Variants in PTN observed in about 807,000 individuals in gnomAD.
PTN encodes heparin affin regulatory protein.
A neutral mutation model predicts 24.1 loss-of-function variants in PTN; 18 were observed. That is an observed-to-expected ratio of 0.75 (90% CI 0.52 to 1.11). The LOEUF is 1.11. Among genes scored for constraint, PTN ranks in the 50% least tolerant of loss-of-function variants. The pLI is 0.00. For missense variants in PTN, 163 were observed against 198.8 expected (o/e 0.82, Z 1.08); for synonymous variants, 78 against 68.6 (o/e 1.14, Z -0.67).
chr7:137,260,012 C>T (rs1364413118), intron 1 of PTN, among the ~76,000 whole-genome samples: 2 of 152,100 alleles, frequency 1.3e-5, no homozygotes, highest in Non-Finnish European at 2.9e-5. Context: ...AAAATAGCTA[C>T]TACTCATTAC....
At chr7:137,252,680 A>C (rs12535816) in intron 3 of PTN, among the ~76,000 whole-genome samples, 2,172 of 151,984 alleles carry the variant, frequency 0.014, 32 homozygotes, top group Middle Eastern at 0.027. Context: ...GCCACAATGC[A>C]TTTCCATAGA....
At chr7:137,304,116 A>C (rs1158005591) in intron 1 of PTN, among the ~76,000 whole-genome samples, 1 of 152,010 alleles carries the variant, frequency 6.6e-6, no homozygotes, top group Non-Finnish European at 1.5e-5. Context: ...ACCAAACACT[A>C]TCTTAAAAAA....
At chr7:137,239,409 T>TATTTATTC (rs1808583484) in intron 4 of PTN, among the ~76,000 whole-genome samples, 1 of 144,858 alleles carries the variant, frequency 6.9e-6, no homozygotes, top group African/African-American at 2.5e-5. Flanking sequence ...TTTATTTATT[T>TATTTATTC]ATTATTATAC....
intron 1 of PTN, chr7:137,318,608 A>C (rs1585042888): frequency 6.6e-6 from 1 of 152,372 alleles, no homozygotes; most frequent in Non-Finnish European, 1.5e-5. Flanking sequence ...GCTGCGAATT[A>C]ATACGTGAAT....
At chr7:137,314,766 T>C (rs1810042744) in intron 1 of PTN, among the ~76,000 whole-genome samples, 1 of 151,964 alleles carries the variant, frequency 6.6e-6, no homozygotes, top group South Asian at 2.1e-4. Context: ...AGCTAATTTT[T>C]GTATTTTTAG....
chr7:137,317,323 G>A (rs564968124), intron 1 of PTN, among the ~76,000 whole-genome samples: 1 of 152,264 alleles, frequency 6.6e-6, no homozygotes, highest in Non-Finnish European at 1.5e-5. Context: ...TTTTTCCTAT[G>A]TGGTTAGTGA....
intron 1 of PTN, among the ~76,000 whole-genome samples, chr7:137,315,146 C>A (rs1453187931): frequency 6.6e-6 from 1 of 152,026 alleles, no homozygotes; most frequent in African/African-American, 2.4e-5. Context: ...GTTGCCAATG[C>A]AAAATAGGAT....
chr7:137,287,713 T>A (rs796177353), intron 1 of PTN: 8 of 152,282 alleles, frequency 5.3e-5, no homozygotes, highest in African/African-American at 1.9e-4. Flanking sequence ...TCACCTCAGT[T>A]TGAACTCTCT....
At chr7:137,302,851 A>G (rs529027904) in intron 1 of PTN, among the ~76,000 whole-genome samples, 8 of 152,116 alleles carry the variant, frequency 5.3e-5, no homozygotes, top group African/African-American at 1.7e-4. Flanking sequence ...AAATAACTCA[A>G]AAGTCTATCA....
chr7:137,265,675 C>T (rs918269676), intron 1 of PTN, among the ~76,000 whole-genome samples: 4 of 152,174 alleles, frequency 2.6e-5, no homozygotes, highest in Admixed American at 6.5e-5. Context: ...ATGCAGCCCA[C>T]GCCTGGCCGA....
At chr7:137,260,259 A>C (rs1809010296) in intron 1 of PTN, among the ~76,000 whole-genome samples, 1 of 152,270 alleles carries the variant, frequency 6.6e-6, no homozygotes, top group Non-Finnish European at 1.5e-5. Flanking sequence ...ATTCAGTTGC[A>C]TAAACTCTCG....
intron 1 of PTN, among the ~76,000 whole-genome samples, chr7:137,313,202 G>A (rs539194298): frequency 9.2e-5 from 14 of 152,008 alleles, no homozygotes; most frequent in African/African-American, 2.4e-4. Flanking sequence ...ATCGTGTCTC[G>A]GCTTGCTCAA....
At chr7:137,282,354 G>C (rs1809487068) in intron 1 of PTN, among the ~76,000 whole-genome samples, 1 of 152,162 alleles carries the variant, frequency 6.6e-6, no homozygotes, top group African/African-American at 2.4e-5. Flanking sequence ...TATATCCAGA[G>C]AGTTTTTAAT....
At chr7:137,303,005 A>G (rs1809831637) in intron 1 of PTN, among the ~76,000 whole-genome samples, 1 of 151,990 alleles carries the variant, frequency 6.6e-6, no homozygotes, top group South Asian at 2.1e-4. Flanking sequence ...TTGTAATCAT[A>G]TCAATAAGGC....
At chr7:137,278,339 TGA>T (rs1809405329) in intron 1 of PTN, among the ~76,000 whole-genome samples, 1 of 90,122 alleles carries the variant, frequency 1.1e-5, no homozygotes, top group Admixed American at 1.1e-4. Context: ...AAAAAAAAAA[TGA>T]CTACTAATCA....
chr7:137,328,450 C>G (rs912414651), intron 1 of PTN, among the ~76,000 whole-genome samples: 29 of 152,316 alleles, frequency 1.9e-4, no homozygotes, highest in Admixed American at 1.5e-3. Context: ...GATGTCCAAG[C>G]TTGACAGTGA....
chr7:137,230,078 A>T (rs1221858197), intron 4 of PTN, among the ~76,000 whole-genome samples: 1 of 151,760 alleles, frequency 6.6e-6, no homozygotes, highest in African/African-American at 2.4e-5. Flanking sequence ...AGCAATTTTC[A>T]TATTTTGGCT....
At chr7:137,256,342 G>A (rs2128871749) in intron 1 of PTN, among the ~76,000 whole-genome samples, 2 of 152,176 alleles carry the variant, frequency 1.3e-5, no homozygotes, top group South Asian at 4.2e-4. Context: ...ACAGGTCCTG[G>A]TGTGTGATGT....
intron 4 of PTN, among the ~76,000 whole-genome samples, chr7:137,244,012 T>C (rs1808679466): frequency 6.6e-6 from 1 of 152,164 alleles, no homozygotes; most frequent in Admixed American, 6.5e-5. Context: ...CTCTTTTGCT[T>C]AACGAGCTAG....
Sources: allele counts gnomAD v4.1 joint callset (sites outside exome capture counted in the v4.1 genomes callset), GRCh38; gene constraint gnomAD v4.1.1; transcripts MANE v1.5; gene names NCBI Gene and HGNC (gene_info 2026-07-23, HGNC 2026-07-21).